Variants in CHST9 observed in about 807,000 individuals in gnomAD.
The protein encoded by CHST9 is carbohydrate sulfotransferase 9, also known as GalNAc-4-sulfotransferase 2.
A neutral mutation model predicts 44.4 loss-of-function variants in CHST9; 41 were observed. That is an observed-to-expected ratio of 0.92 (90% CI 0.72 to 1.20). The LOEUF (loss-of-function observed/expected upper bound fraction) is 1.20. CHST9 is among the 50% of genes most tolerant of loss of function. The probability of loss-of-function intolerance (pLI) is 0.00; values close to 1 mark genes in which losing one functional copy is unlikely to be tolerated. For missense variants in CHST9, 504 were observed against 516.5 expected (o/e 0.98, Z 0.23); for synonymous variants, 171 against 178.4 (o/e 0.96, Z 0.33).
chr18:27,135,243 T>C (rs1253075508), intron 2 of CHST9, among the ~76,000 whole-genome samples: 1 of 152,180 alleles, frequency 6.6e-6, no homozygotes, highest in Non-Finnish European at 1.5e-5. Context: ...AGGGAAGCAG[T>C]AGTGAACCGT....
intron 1 of CHST9, among the ~76,000 whole-genome samples, chr18:27,163,573 A>G (rs557695450): frequency 6.6e-6 from 1 of 152,316 alleles, no homozygotes; most frequent in African/African-American, 2.4e-5. Context: ...CTGCTGTGCT[A>G]GCAATGAGCG....
intron 3 of CHST9, among the ~76,000 whole-genome samples, chr18:27,036,056 GCTATATATATAT>G (rs2057387345): frequency 6.6e-6 from 1 of 152,004 alleles, no homozygotes; most frequent in South Asian, 2.1e-4. Context: ...TATATAAAAT[GCTATATATATAT>G]CTATATTCAT....
intron 2 of CHST9, among the ~76,000 whole-genome samples, chr18:27,075,192 C>T (rs1467523927): frequency 1.0e-4 from 13 of 129,346 alleles, no homozygotes; most frequent in Non-Finnish European, 1.8e-4. Flanking sequence ...TTTTTTTTGG[C>T]TGACACATTT....
At chr18:27,033,503 C>A (rs555381643) in intron 3 of CHST9, among the ~76,000 whole-genome samples, 1 of 152,324 alleles carries the variant, frequency 6.6e-6, no homozygotes, top group Non-Finnish European at 1.5e-5. Context: ...TGAAGAGGAG[C>A]TACTTCTGAT....
chr18:27,175,452 T>G (rs2058861021), intron 1 of CHST9, among the ~76,000 whole-genome samples: 1 of 151,608 alleles, frequency 6.6e-6, no homozygotes. Flanking sequence ...TTTTGGGGGG[T>G]GTAAGAAATT....
intron 1 of CHST9, among the ~76,000 whole-genome samples, chr18:27,177,023 C>G (rs1167614459): frequency 1.3e-5 from 2 of 151,912 alleles, no homozygotes; most frequent in Non-Finnish European, 2.9e-5. Flanking sequence ...TACAAATAAC[C>G]AGTAAGACTA....
chr18:27,016,861 T>C (rs1252999565), intron 4 of CHST9, among the ~76,000 whole-genome samples: 2 of 152,210 alleles, frequency 1.3e-5, no homozygotes, highest in African/African-American at 4.8e-5. Flanking sequence ...CTGTATGCAA[T>C]ACATAATATT....
intron 5 of CHST9, among the ~76,000 whole-genome samples, chr18:26,926,832 G>A (rs2055777293): frequency 6.6e-6 from 1 of 152,206 alleles, no homozygotes; most frequent in African/African-American, 2.4e-5. Flanking sequence ...CATATTAAAT[G>A]TGGATGGGAA....
intron 2 of CHST9, among the ~76,000 whole-genome samples, chr18:27,073,266 T>C (rs1279403703): frequency 6.6e-6 from 1 of 151,966 alleles, no homozygotes; most frequent in Non-Finnish European, 1.5e-5. Flanking sequence ...CTTAACCTAA[T>C]GTAGTTATCC....
chr18:26,943,615 A>G (rs1040790224), intron 5 of CHST9, among the ~76,000 whole-genome samples: 3 of 152,234 alleles, frequency 2.0e-5, no homozygotes, highest in East Asian at 3.8e-4. Context: ...CTCTGACTCT[A>G]GTGGCACAGG....
chr18:27,105,849 T>A (rs191512955), intron 2 of CHST9, among the ~76,000 whole-genome samples: 17 of 152,140 alleles, frequency 1.1e-4, no homozygotes, highest in African/African-American at 3.9e-4. Flanking sequence ...ATAGTCTAAA[T>A]GGACGATAAA....
At chr18:27,048,342 G>A (rs1467267209) in intron 3 of CHST9, 123 bp downstream of exon 3, 12 of 677,156 alleles carry the variant, frequency 1.8e-5, no homozygotes, top group Admixed American at 1.0e-4. Flanking sequence ...AATTAATATC[G>A]ATCAGTTCAA....
rs1259230770 is a variant in CHST9, at chr18:27,050,691, G to A, written c.122-2188C>T. Among the ~76,000 whole-genome samples, 4 of 152,126 alleles carry A rather than the reference G, an allele frequency of 2.6e-5. No individual in the cohort carries two copies. The East Asian group carries it at 7.7e-4, about 29-fold the overall frequency. ...TTTCAATGATTCCAACAGATAAATA[G>A]CATGAATAATCCATTTAAAGGCCTC... On this transcript the variant is annotated intron_variant, in intron 2 of 5. Transcript: ENST00000618847.
chr18:27,020,391 T>C (rs987406780), intron 4 of CHST9, among the ~76,000 whole-genome samples: 1 of 152,164 alleles, frequency 6.6e-6, no homozygotes, highest in African/African-American at 2.4e-5. Flanking sequence ...ACGTGATTCA[T>C]GTTGGAAGTC....
At chr18:26,970,570 A>G (rs1483738854) in intron 4 of CHST9, among the ~76,000 whole-genome samples, 1 of 152,186 alleles carries the variant, frequency 6.6e-6, no homozygotes, top group African/African-American at 2.4e-5. Context: ...CTGGGACTAC[A>G]GTCACATGCC....
intron 2 of CHST9, among the ~76,000 whole-genome samples, chr18:27,096,505 A>G (rs2058118289): frequency 6.6e-6 from 1 of 152,068 alleles, no homozygotes; most frequent in Non-Finnish European, 1.5e-5. Context: ...TGGTTCTCTG[A>G]AAGGATAAGC....
chr18:27,132,479 C>G (rs908196295), intron 2 of CHST9, among the ~76,000 whole-genome samples: 2 of 152,142 alleles, frequency 1.3e-5, no homozygotes, highest in African/African-American at 4.8e-5. Flanking sequence ...TCTTCCTTAG[C>G]TTAGGTGCTT....
intron 4 of CHST9, among the ~76,000 whole-genome samples, chr18:26,979,783 T>G (rs2056669560): frequency 6.6e-6 from 1 of 152,156 alleles, no homozygotes; most frequent in African/African-American, 2.4e-5. Flanking sequence ...TATGATAAAT[T>G]CTTAGCAAAA....
At chr18:27,134,952 T>A (rs2143846332) in intron 2 of CHST9, among the ~76,000 whole-genome samples, 1 of 152,272 alleles carries the variant, frequency 6.6e-6, no homozygotes, top group Non-Finnish European at 1.5e-5. Flanking sequence ...GACAATTACA[T>A]CAAGACATCT....
Sources: gnomAD v4.1 joint callset for allele counts (sites outside exome capture counted in the v4.1 genomes callset) on GRCh38, gnomAD v4.1.1 for gene constraint, MANE v1.5 for transcripts, NCBI Gene and HGNC (gene_info 2026-07-23, HGNC 2026-07-21) for gene names.